The following CACNA1D variants were observed in gnomAD, a reference collection of about 807,000 sequenced individuals.
CACNA1D encodes voltage-dependent L-type calcium channel subunit alpha-1D.
In CACNA1D, 55 loss-of-function variants were observed where a neutral mutation model predicts 257.1. That is an observed-to-expected ratio of 0.21 (90% CI 0.17 to 0.27). The LOEUF (loss-of-function observed/expected upper bound fraction) is 0.27, where lower values mean the gene tolerates loss of function less well. CACNA1D is among the 10% of genes least tolerant of loss of function. The pLI, the probability that CACNA1D is intolerant of heterozygous loss-of-function variation, is 1.00. For missense variants in CACNA1D, 1,876 were observed against 2,784.0 expected, an observed-to-expected ratio of 0.67 and a Z score of 7.34; for synonymous variants, 980 against 1,014.9, an observed-to-expected ratio of 0.97 and a Z score of 0.65.
At chr3:53,561,338 A>G (rs1265912400) in intron 3 of CACNA1D, among the ~76,000 whole-genome samples, 1 of 152,214 alleles carries the variant, frequency 6.6e-6, no homozygotes, top group East Asian at 1.9e-4. Flanking sequence ...TTACTCATGA[A>G]TTATTGCATA....
chr3:53,527,967 T>C (rs941971392), intron 3 of CACNA1D, among the ~76,000 whole-genome samples: 5 of 152,224 alleles, frequency 3.3e-5, no homozygotes, highest in Non-Finnish European at 7.3e-5. Context: ...TAATACTAAG[T>C]CATACCAATT....
At chr3:53,769,081 T>C (rs1296737356) in intron 30 of CACNA1D, among the ~76,000 whole-genome samples, 1 of 152,212 alleles carries the variant, frequency 6.6e-6, no homozygotes, top group Non-Finnish European at 1.5e-5. Context: ...TGCTTCCAAC[T>C]CCTCTGTGTT....
chr3:53,708,552 C>T lies in CACNA1D; in HGVS notation c.1390+5742C>T, dbSNP rs2094716472. ...AAGCAGTGGTAATTTCTAAAAGTGCCTGCATGTCTGCCATCACCTTCAGCC... is the reference window on the plus strand; with the variant it reads ...AAGCAGTGGTAATTTCTAAAAGTGCTTGCATGTCTGCCATCACCTTCAGCC... On this transcript the variant is annotated intron_variant, in intron 9 of 47. Coordinates refer to ENST00000350061, the MANE Select transcript of CACNA1D (RefSeq NM_001128840.3). Among the ~76,000 whole-genome samples, 4 of 152,212 alleles carry T rather than the reference C, an allele frequency of 2.6e-5. No individual in the cohort carries two copies. The South Asian group carries it at 8.3e-4, about 32-fold the overall frequency.
At chr3:53,747,994 T>C (rs1435664168) in intron 26 of CACNA1D, among the ~76,000 whole-genome samples, 2 of 152,158 alleles carry the variant, frequency 1.3e-5, no homozygotes, top group African/African-American at 2.4e-5. Flanking sequence ...ACATGGCATG[T>C]TAGGCACTGT....
At chr3:53,589,956 G>A (rs1314991662) in intron 3 of CACNA1D, among the ~76,000 whole-genome samples, 1 of 152,086 alleles carries the variant, frequency 6.6e-6, no homozygotes, top group East Asian at 1.9e-4. Context: ...CTTCTCTCTG[G>A]CCTGCCTGCT....
At chr3:53,549,186 G>A (rs922139951) in intron 3 of CACNA1D, among the ~76,000 whole-genome samples, 1 of 152,214 alleles carries the variant, frequency 6.6e-6, no homozygotes, top group South Asian at 2.1e-4. Context: ...ACAGATCAGA[G>A]GATGGCTGAG....
rs2095221890 is a variant in CACNA1D at position 53,751,126 on chromosome 3, A to G, written c.3517-623A>G. Among the ~76,000 whole-genome samples the G allele has an allele frequency of 6.6e-6, 1 of 152,204 alleles. No individual in the cohort carries two copies. The highest frequency in any genetic ancestry group is 2.4e-5 in the African/African-American group (1 of 41,454). ...CTGAAATGAACACAACAAGCTCCCCAGCCCAGAAGCTCCCCGATGGACATG... is the reference window on the plus strand; with the variant it reads ...CTGAAATGAACACAACAAGCTCCCCGGCCCAGAAGCTCCCCGATGGACATG... On this transcript the variant is annotated intron_variant, in intron 27 of 47. Transcript: ENST00000350061. This position sits in a 1 kb window ranked among gnomAD's most constrained non-coding sequence, Gnocchi z 4.3.
chr3:53,543,116 A>T (rs965938731), intron 3 of CACNA1D, among the ~76,000 whole-genome samples: 1 of 147,132 alleles, frequency 6.8e-6, no homozygotes, highest in Non-Finnish European at 1.5e-5. Context: ...GAACAGCAGC[A>T]GTAAAAAATA....
intron 3 of CACNA1D, among the ~76,000 whole-genome samples, chr3:53,576,337 G>T (rs1173243139): frequency 1.3e-5 from 2 of 152,192 alleles, no homozygotes; most frequent in African/African-American, 4.8e-5. Context: ...GTTTTCTGGT[G>T]AGTGTTATCC....
intron 3 of CACNA1D, among the ~76,000 whole-genome samples, chr3:53,517,440 C>T (rs1001240726): frequency 5.3e-5 from 8 of 152,056 alleles, no homozygotes; most frequent in South Asian, 2.1e-4. Flanking sequence ...CTTCCCTACC[C>T]TTCAGACAGG....
rs527930491 is a variant in CACNA1D, at chr3:53,511,585, G to A, written c.483+9865G>A. Reference sequence around the variant, plus strand: ...ATGGTCCCTGCATTCATGTTTTTCAGGGGTCAGGGTACGACATTAAACTGT... The same window carrying A: ...ATGGTCCCTGCATTCATGTTTTTCAAGGGTCAGGGTACGACATTAAACTGT... On this transcript the variant is annotated intron_variant, in intron 3 of 47. Coordinates refer to ENST00000350061, the MANE Select transcript of CACNA1D (RefSeq NM_001128840.3). Among the ~76,000 whole-genome samples the A allele has an allele frequency of 5.3e-5, 8 of 152,222 alleles. No homozygotes were observed. The South Asian group carries it at 1.7e-3, about 32-fold the overall frequency.
chr3:53,646,689 AGAGC>A (rs1374617343), intron 3 of CACNA1D, among the ~76,000 whole-genome samples: 2 of 152,210 alleles, frequency 1.3e-5, no homozygotes, highest in Non-Finnish European at 2.9e-5. Flanking sequence ...CATGGGTGGA[AGAGC>A]AAAACAGAGA....
intron 3 of CACNA1D, among the ~76,000 whole-genome samples, chr3:53,595,282 A>T (rs1359545488): frequency 6.6e-6 from 1 of 152,144 alleles, no homozygotes; most frequent in Non-Finnish European, 1.5e-5. Flanking sequence ...GAATGCAAGG[A>T]TGCAGTCACG....
chr3:53,604,640 G>T lies in CACNA1D; in HGVS notation c.484-46139G>T, dbSNP rs971035281. On this transcript the variant is annotated intron_variant, in intron 3 of 47. Coordinates refer to ENST00000350061, the MANE Select transcript of CACNA1D (RefSeq NM_001128840.3). ...TGGGGATACATATCCCTGCTTTACA[G>T]ACCTGCTGTGGAGTTGGATGAAATG... is the stretch of plus-strand genomic sequence containing the variant. 1.6e-4 allele frequency among the ~76,000 whole-genome samples: 24 copies of T among 152,260 alleles called. 1 individual carries two copies. Among genetic ancestry groups the T allele is most frequent in the African/African-American group, 5.8e-4 (24 of 41,532 alleles).
Position 53,789,485 on chromosome 3 carries a change from C to T in CACNA1D, c.4923+2533C>T, listed in dbSNP as rs576618920. Among the ~76,000 whole-genome samples, 4 of 152,280 alleles carry T rather than the reference C, an allele frequency of 2.6e-5. No homozygotes were observed. The South Asian group carries it at 6.2e-4, about 24-fold the overall frequency. The stretch of plus-strand genomic sequence containing the variant: ...CTTTCGTTTCTGCGTGATGAAATAC[C>T]GGGTGACGATGTAGCAGTTAGGAAA... On this transcript the variant is annotated intron_variant, in intron 40 of 47. Coordinates refer to ENST00000350061, the MANE Select transcript of CACNA1D (RefSeq NM_001128840.3). The surrounding 1 kb of genome is among the most constrained non-coding windows in gnomAD (Gnocchi z 4.2).
chr3:53,740,856 G>A (rs891925735), intron 21 of CACNA1D, among the ~76,000 whole-genome samples: 4 of 152,138 alleles, frequency 2.6e-5, no homozygotes, highest in Non-Finnish European at 5.9e-5. Context: ...CTATGAAGAG[G>A]ATGTCTCTCT....
intron 39 of CACNA1D, chr3:53,783,057 A>G (rs1330351818): frequency 2.0e-5 from 3 of 152,164 alleles, no homozygotes; most frequent in African/African-American, 7.2e-5. Context: ...TCTCTTGCCA[A>G]CTGTATTCCC....
chr3:53,684,553 G>A (rs1456862612), intron 8 of CACNA1D, among the ~76,000 whole-genome samples: 2 of 150,794 alleles, frequency 1.3e-5, no homozygotes, highest in Admixed American at 6.6e-5. Flanking sequence ...AACCTGGGAG[G>A]TGGAGGTCGT....
chr3:53,802,584 C>T (rs1387978655), intron 43 of CACNA1D, among the ~76,000 whole-genome samples: 1 of 152,256 alleles, frequency 6.6e-6, no homozygotes, highest in Non-Finnish European at 1.5e-5. Context: ...GGGATCTTGT[C>T]ATTTTCCCTG....
Sources: allele counts gnomAD v4.1 joint callset (sites outside exome capture counted in the v4.1 genomes callset), GRCh38; gene constraint gnomAD v4.1.1; non-coding constraint Gnocchi (gnomAD v3.1); transcripts MANE v1.5; gene names NCBI Gene and HGNC (gene_info 2026-07-23, HGNC 2026-07-21).